Variants in REV3L observed in about 807,000 individuals in gnomAD.
REV3L encodes REV3 like, DNA directed polymerase zeta catalytic subunit.
In REV3L, 69 loss-of-function variants were observed where a neutral mutation model predicts 299.4. The observed-to-expected ratio is 0.23, with a 90% CI of 0.19 to 0.28. The LOEUF (loss-of-function observed/expected upper bound fraction) is 0.28, where lower values mean the gene tolerates loss of function less well. Ranked by LOEUF, REV3L falls within the 10% of genes least tolerant of loss-of-function variation. The pLI is 1.00. For missense variants in REV3L, 3,128 were observed against 3,693.8 expected, an observed-to-expected ratio of 0.85 and a Z score of 3.97; for synonymous variants, 1,238 against 1,271.4, an observed-to-expected ratio of 0.97 and a Z score of 0.56.
At position 111,392,982 on chromosome 6, in the gene REV3L, G is replaced by C; in HGVS notation, c.566-10C>G. The C allele has an allele frequency of 6.5e-7, 1 of 1,543,976 alleles. No homozygotes were observed. ...GCATGCAATGTATTACCTAGGAATA[G>C]AAAGGTAAAAGGAATAAATTCTACT... On this transcript the variant is annotated splice_polypyrimidine_tract_variant and intron_variant, in intron 4 of 31. Transcript: ENST00000368802.
At chr6:111,476,982 T>C (rs1793020240) in intron 1 of REV3L, among the ~76,000 whole-genome samples, 1 of 152,238 alleles carries the variant, frequency 6.6e-6, no homozygotes, top group Non-Finnish European at 1.5e-5. Context: ...AATCTGAAAA[T>C]ATAAAACATA....
intron 1 of REV3L, among the ~76,000 whole-genome samples, chr6:111,462,984 G>T (rs1790981555): frequency 6.6e-6 from 1 of 151,872 alleles, no homozygotes; most frequent in Non-Finnish European, 1.5e-5. Context: ...GCCCTCTCAG[G>T]TGGCAGATCA....
chr6:111,441,668 G>A (rs1788279347), intron 1 of REV3L, among the ~76,000 whole-genome samples: 1 of 152,296 alleles, frequency 6.6e-6, no homozygotes. Context: ...CTAGCTGGGA[G>A]TTAAGACTGT....
intron 5 of REV3L, among the ~76,000 whole-genome samples, chr6:111,391,064 G>GT (rs1486474957): frequency 6.7e-6 from 1 of 149,998 alleles, no homozygotes; most frequent in Admixed American, 6.7e-5. Context: ...AAACACTTTG[G>GT]TATTTTTTTT....
At chr6:111,448,393 T>C (rs1789111393) in intron 1 of REV3L, among the ~76,000 whole-genome samples, 2 of 151,942 alleles carry the variant, frequency 1.3e-5, no homozygotes, top group Admixed American at 6.6e-5. Context: ...GGCTGGCGTA[T>C]AATAGAGTAA....
chr6:111,434,002 T>A (rs548652562), intron 1 of REV3L, among the ~76,000 whole-genome samples: 1 of 152,166 alleles, frequency 6.6e-6, no homozygotes, highest in African/African-American at 2.4e-5. Context: ...AAATTCAACA[T>A]CACTTCATGA....
chr6:111,430,757 G>A, intron 1 of REV3L: 1 of 1,588,096 alleles, frequency 6.3e-7, no homozygotes, highest in Non-Finnish European at 8.6e-7. Flanking sequence ...CAATAATTTA[G>A]AGAGAGCGCA....
chr6:111,315,829 G>A (rs948385244), intron 26 of REV3L, among the ~76,000 whole-genome samples: 8 of 152,184 alleles, frequency 5.3e-5, no homozygotes, highest in African/African-American at 1.7e-4. Flanking sequence ...TAGGTTGTGT[G>A]CACCTTATGA....
intron 11 of REV3L, among the ~76,000 whole-genome samples, chr6:111,379,388 A>G (rs1050267474): frequency 1.3e-5 from 2 of 152,228 alleles, no homozygotes; most frequent in African/African-American, 4.8e-5. Flanking sequence ...TCAGTCTTTC[A>G]GGCTCATAGG....
chr6:111,382,053 T>C (rs1441981027), intron 9 of REV3L, among the ~76,000 whole-genome samples: 1 of 152,162 alleles, frequency 6.6e-6, no homozygotes, highest in African/African-American at 2.4e-5. Flanking sequence ...TACAAAGAAA[T>C]GGTTAAGCAA....
chr6:111,399,941 C>A (rs1255443180), intron 4 of REV3L, among the ~76,000 whole-genome samples: 6 of 152,158 alleles, frequency 3.9e-5, no homozygotes, highest in Admixed American at 2.6e-4. Context: ...TCTCCTAAAC[C>A]CTAACAACTA....
Position 111,367,109 on chromosome 6 carries a change from A to G in REV3L, c.6673+6T>C, listed in dbSNP as rs1208522136. ...TATGGAGACTTCCTGTTATTTGTAC[A>G]CTTACCTGTTGATAATGGGCTAAGG... On this transcript the variant is annotated splice_donor_region_variant and intron_variant, in intron 14 of 31. Transcript: ENST00000368802. 23 of 1,554,768 alleles carry G rather than the reference A, an allele frequency of 1.5e-5. No homozygotes were observed. In the East Asian group the frequency reaches 5.2e-4, roughly 35 times the overall value.
intron 1 of REV3L, among the ~76,000 whole-genome samples, chr6:111,465,234 T>C (rs1405680364): frequency 1.3e-5 from 2 of 150,592 alleles, no homozygotes; most frequent in South Asian, 2.1e-4. Flanking sequence ...GCATGCACCA[T>C]CACGCCCAGC....
At chr6:111,371,548 G>A (rs554786007) in intron 13 of REV3L, among the ~76,000 whole-genome samples, 1 of 149,798 alleles carries the variant, frequency 6.7e-6, no homozygotes, top group South Asian at 2.1e-4. Context: ...ATGCCACCAT[G>A]CCCAGCTATC....
intron 6 of REV3L, among the ~76,000 whole-genome samples, chr6:111,389,426 A>G (rs1781675883): frequency 6.6e-6 from 1 of 152,210 alleles, no homozygotes; most frequent in Non-Finnish European, 1.5e-5. Context: ...ATACAATTCA[A>G]ACATCTGATG....
chr6:111,465,755 A>ACC (rs1562355522), intron 1 of REV3L, among the ~76,000 whole-genome samples: 4 of 150,810 alleles, frequency 2.7e-5, no homozygotes, highest in Non-Finnish European at 5.9e-5. Context: ...CAAAAAAAAA[A>ACC]AAAAAAAAAA....
chr6:111,410,504 G>C (rs937124417), intron 3 of REV3L, among the ~76,000 whole-genome samples: 2 of 152,246 alleles, frequency 1.3e-5, no homozygotes, highest in African/African-American at 2.4e-5. Flanking sequence ...ATGTGTGTGA[G>C]AGAATAAGAG....
chr6:111,340,556 G>A (rs531049761), intron 21 of REV3L, among the ~76,000 whole-genome samples: 30 of 152,170 alleles, frequency 2.0e-4, no homozygotes, highest in Admixed American at 1.8e-3. Context: ...AGAAATCCTT[G>A]ACTAGCAAGT....
intron 26 of REV3L, among the ~76,000 whole-genome samples, chr6:111,321,138 T>G (rs1774138226): frequency 6.6e-6 from 1 of 152,196 alleles, no homozygotes; most frequent in African/African-American, 2.4e-5. Context: ...GATCTTAAAT[T>G]TCTTATCCTA....
Sources: gnomAD v4.1 joint callset for allele counts (sites outside exome capture counted in the v4.1 genomes callset) on GRCh38, gnomAD v4.1.1 for gene constraint, MANE v1.5 for transcripts, NCBI Gene and HGNC (gene_info 2026-07-23, HGNC 2026-07-21) for gene names.